The following PPFIA4 variants were observed in gnomAD, a reference collection of about 807,000 sequenced individuals.
The protein encoded by PPFIA4 is liprin-alpha-4.
PPFIA4 carries 98 observed loss-of-function variants against 145.7 expected under a neutral mutation model. The observed-to-expected ratio is 0.67, with a 90% CI of 0.57 to 0.80. PPFIA4 has a LOEUF of 0.80. PPFIA4 is among the 30% of genes least tolerant of loss of function. The probability of loss-of-function intolerance (pLI) is 0.00; values close to 1 mark genes in which losing one functional copy is unlikely to be tolerated. For missense variants in PPFIA4, 1,457 were observed against 1,632.7 expected (o/e 0.89, Z 1.85); for synonymous variants, 628 against 649.6 (o/e 0.97, Z 0.51).
chr1:203,071,623 GA>G, intron 27 of PPFIA4, 68 bp from the exon 28 acceptor site: 2 of 1,283,384 alleles, frequency 1.6e-6, no homozygotes, highest in Non-Finnish European at 2.2e-6. Context: ...GGAAAATGGT[GA>G]AAGATGGCAT....
intron 2 of PPFIA4, among the ~76,000 whole-genome samples, chr1:203,042,178 TG>T (rs1489975181): frequency 1.3e-5 from 2 of 152,150 alleles, no homozygotes; most frequent in East Asian, 3.9e-4. Flanking sequence ...TCCACAGAGT[TG>T]GGGCCACTCA....
chr1:203,052,896 T>C (rs190420378), intron 14 of PPFIA4, among the ~76,000 whole-genome samples: 1 of 152,374 alleles, frequency 6.6e-6, no homozygotes, highest in Non-Finnish European at 1.5e-5. Context: ...GACTGTCTAT[T>C]CAGGCCTGCT....
chr1:203,070,911 A>G (rs1272257878), intron 27 of PPFIA4, among the ~76,000 whole-genome samples: 1 of 151,522 alleles, frequency 6.6e-6, no homozygotes, highest in Non-Finnish European at 1.5e-5. Context: ...TTTTCCAAGT[A>G]GGTGACGTCT....
chr1:203,062,004 C>T (rs1661396324), intron 24 of PPFIA4, among the ~76,000 whole-genome samples: 1 of 152,132 alleles, frequency 6.6e-6, no homozygotes, highest in African/African-American at 2.4e-5. Context: ...CTCAGGGGCA[C>T]CCTGGTGAAC....
At chr1:203,069,094 T>C (rs1465877648) in intron 27 of PPFIA4, among the ~76,000 whole-genome samples, 3 of 152,148 alleles carry the variant, frequency 2.0e-5, no homozygotes, top group African/African-American at 4.8e-5. Flanking sequence ...AAAAGCTAAA[T>C]ATACCAAATT....
intron 14 of PPFIA4, among the ~76,000 whole-genome samples, chr1:203,053,152 A>T (rs933877774): frequency 6.6e-6 from 1 of 152,218 alleles, no homozygotes; most frequent in African/African-American, 2.4e-5. Context: ...TTTGGTGGAG[A>T]TGAGATTCAA....
At chr1:203,046,521 A>C in intron 9 of PPFIA4, 139 bp downstream of exon 9, 1 of 979,930 alleles carries the variant, frequency 1.0e-6, no homozygotes, top group Non-Finnish European at 1.5e-6. Context: ...GATTCCAGGG[A>C]GCACACTGCC....
At chr1:203,072,770 C>T (rs921253976) in intron 28 of PPFIA4, among the ~76,000 whole-genome samples, 7 of 152,200 alleles carry the variant, frequency 4.6e-5, no homozygotes, top group Non-Finnish European at 8.8e-5. Flanking sequence ...AAGGAATACA[C>T]AGAATTTGTG....
At chr1:203,065,734 A>T (rs995708779) in intron 25 of PPFIA4, among the ~76,000 whole-genome samples, 2 of 152,214 alleles carry the variant, frequency 1.3e-5, no homozygotes, top group East Asian at 3.8e-4. Context: ...CAAGAAAGGG[A>T]TATTTTAAAA....
At chr1:203,062,287 C>T (rs370200132) in intron 24 of PPFIA4, among the ~76,000 whole-genome samples, 1 of 150,962 alleles carries the variant, frequency 6.6e-6, no homozygotes, top group South Asian at 2.1e-4. Context: ...ACCATCCTGG[C>T]TAACACAGTG....
At chr1:203,059,911 C>A in intron 21 of PPFIA4, 60 bp downstream of exon 21, 1 of 1,371,010 alleles carries the variant, frequency 7.3e-7, no homozygotes, top group African/African-American at 1.4e-5. Flanking sequence ...TTGGGGTGGG[C>A]AGAGGGGTGG....
chr1:203,049,105 A>G, intron 12 of PPFIA4, 125 bp downstream of exon 12: 1 of 877,528 alleles, frequency 1.1e-6, no homozygotes, highest in South Asian at 1.7e-5. Flanking sequence ...AGTGCACTAC[A>G]TACATTATTC....
rs376493720 is a variant in PPFIA4 at position 203,048,327 on chromosome 1, G to A, written c.1224+17G>A. On this transcript the variant is annotated intron_variant, in intron 10 of 29. Transcript: ENST00000295706. This position sits in a 1 kb window ranked among gnomAD's most constrained non-coding sequence, Gnocchi z 5.8. ...CTGGCACGGGTGAGGGCACCAGGCCGGGCCCTCAGGCCCCCTCCTTCCCGC... is the reference window on the plus strand; with the variant it reads ...CTGGCACGGGTGAGGGCACCAGGCCAGGCCCTCAGGCCCCCTCCTTCCCGC... 24 of 1,609,096 alleles carry A rather than the reference G, an allele frequency of 1.5e-5. No individual in the cohort carries two copies. In the African/African-American group the frequency reaches 2.5e-4, roughly 17 times the overall value.
Position 203,043,147 on chromosome 1 carries a change from T to C in PPFIA4, c.235-250T>C, listed in dbSNP as rs187213484. On this transcript the variant is annotated intron_variant, in intron 2 of 29. Coordinates refer to ENST00000295706, the MANE Select transcript of PPFIA4 (RefSeq NM_001304331.2). The surrounding 1 kb of genome is among the most constrained non-coding windows in gnomAD (Gnocchi z 4.4). ...AGAGCAGACTCAGTGACTTTCTCACTCTTGTGTACAACTCTGTTCCCTTGG... is the reference window on the plus strand; with the variant it reads ...AGAGCAGACTCAGTGACTTTCTCACCCTTGTGTACAACTCTGTTCCCTTGG... Among the ~76,000 whole-genome samples the C allele has an allele frequency of 5.9e-5, 9 of 152,338 alleles. No individual in the cohort carries two copies. Among genetic ancestry groups the C allele is most frequent in the African/African-American group, 1.9e-4 (8 of 41,578 alleles).
chr1:203,059,102 C>T, intron 19 of PPFIA4, 76 bp from the exon 20 acceptor site: 3 of 1,215,002 alleles, frequency 2.5e-6, no homozygotes, highest in South Asian at 1.3e-5. Flanking sequence ...CCTGCTGCTT[C>T]TGTTCCCCAC....
intron 29 of PPFIA4, chr1:203,076,030 C>A (rs1258392081): frequency 5.1e-6 from 3 of 582,904 alleles, no homozygotes; most frequent in Non-Finnish European, 8.9e-6. Context: ...CTGCTGACCC[C>A]CCATCCTCCC....
At chr1:203,030,170 T>A (rs1006842692) in intron 1 of PPFIA4, among the ~76,000 whole-genome samples, 8 of 152,148 alleles carry the variant, frequency 5.3e-5, no homozygotes, top group African/African-American at 1.4e-4. Context: ...TGCTTGTTCC[T>A]GAAGGATAAT....
rs902823047 is a variant in PPFIA4, at chr1:203,043,745, G to A, written c.337-186G>A. Among the ~76,000 whole-genome samples the A allele has an allele frequency of 2.6e-5, 4 of 152,180 alleles. No homozygotes were observed. The highest frequency in any genetic ancestry group is 4.4e-5 in the Non-Finnish European group (3 of 68,030). ...AAGCTCAGGGTCCTGGGGAGAGGCC[G>A]GGGCAGTCACCTTGAGTAGTATCAG... On this transcript the variant is annotated intron_variant, in intron 3 of 29. Coordinates refer to ENST00000295706, the MANE Select transcript of PPFIA4 (RefSeq NM_001304331.2). The surrounding 1 kb of genome is among the most constrained non-coding windows in gnomAD (Gnocchi z 4.4).
intron 25 of PPFIA4, among the ~76,000 whole-genome samples, chr1:203,066,990 G>C (rs1403965794): frequency 6.6e-6 from 1 of 152,184 alleles, no homozygotes; most frequent in African/African-American, 2.4e-5. Flanking sequence ...TATGGGCTAG[G>C]GGTGGTGATG....
Sources: allele counts gnomAD v4.1 joint callset (sites outside exome capture counted in the v4.1 genomes callset), GRCh38; gene constraint gnomAD v4.1.1; non-coding constraint Gnocchi (gnomAD v3.1); transcripts MANE v1.5; gene names NCBI Gene and HGNC (gene_info 2026-07-23, HGNC 2026-07-21).